KHDRBS3: variants seen among roughly 807,000 people sequenced by gnomAD.
KHDRBS3 encodes the protein KH domain-containing, RNA-binding, signal transduction-associated protein 3.
A neutral mutation model predicts 45.6 loss-of-function variants in KHDRBS3; 23 were observed. The observed-to-expected ratio is 0.50, with a 90% confidence interval of 0.36 to 0.72. The LOEUF is 0.72. Ranked by LOEUF, KHDRBS3 falls within the 30% of genes least tolerant of loss-of-function variation. KHDRBS3 has a pLI of 0.00. For missense variants in KHDRBS3, 352 were observed against 424.8 expected, an observed-to-expected ratio of 0.83 and a Z score of 1.51; for synonymous variants, 162 against 156.5, an observed-to-expected ratio of 1.04 and a Z score of -0.26.
At chr8:135,472,822 A>C (rs112084020) in intron 1 of KHDRBS3, among the ~76,000 whole-genome samples, 20 of 152,224 alleles carry the variant, frequency 1.3e-4, no homozygotes, top group Middle Eastern at 3.4e-3. Flanking sequence ...CATTGCCCTG[A>C]CTTTGAAGTT....
At chr8:135,605,121 G>T (rs1437877140) in intron 6 of KHDRBS3, among the ~76,000 whole-genome samples, 1 of 151,986 alleles carries the variant, frequency 6.6e-6, no homozygotes, top group Non-Finnish European at 1.5e-5. Context: ...GAGTCTCTGA[G>T]TTTATCCTTT....
chr8:135,588,742 G>C (rs1438394746), intron 6 of KHDRBS3, among the ~76,000 whole-genome samples: 2 of 152,166 alleles, frequency 1.3e-5, no homozygotes, highest in African/African-American at 4.8e-5. Flanking sequence ...TGAGCCAGGA[G>C]CTGTGGAAGA....
At chr8:135,603,962 G>A (rs1214091050) in intron 6 of KHDRBS3, among the ~76,000 whole-genome samples, 1 of 150,922 alleles carries the variant, frequency 6.6e-6, no homozygotes, top group African/African-American at 2.4e-5. Context: ...TTTCTTTTTT[G>A]ACCTTCTTTC....
At chr8:135,500,261 T>TC (rs1455308683) in intron 1 of KHDRBS3, among the ~76,000 whole-genome samples, 2 of 148,272 alleles carry the variant, frequency 1.3e-5, no homozygotes, top group East Asian at 1.9e-4. Context: ...GTTTGGTTCT[T>TC]TTTTTTTTTT....
intron 1 of KHDRBS3, among the ~76,000 whole-genome samples, chr8:135,515,447 TGTC>T (rs946782066): frequency 6.7e-6 from 1 of 149,168 alleles, no homozygotes; most frequent in African/African-American, 2.4e-5. Flanking sequence ...GTTTTATTGT[TGTC>T]GTTGTTGATT....
intron 7 of KHDRBS3, among the ~76,000 whole-genome samples, chr8:135,643,488 G>C (rs907728475): frequency 5.3e-5 from 8 of 152,342 alleles, no homozygotes; most frequent in African/African-American, 1.9e-4. Context: ...TTAAGGGCTT[G>C]AGTTGGAAAT....
At chr8:135,613,385 T>C (rs908621861) in intron 7 of KHDRBS3, among the ~76,000 whole-genome samples, 3 of 151,760 alleles carry the variant, frequency 2.0e-5, no homozygotes, top group African/African-American at 4.9e-5. Context: ...CTGTTTCTAC[T>C]TGTGAGAACA....
chr8:135,656,121 T>C (rs1198988425), intron 4 of KHDRBS3: 1 of 152,250 alleles, frequency 6.6e-6, no homozygotes, highest in Non-Finnish European at 1.5e-5. Flanking sequence ...TTCTATTAAG[T>C]GTCCACTTGC....
chr8:135,490,483 A>G (rs1226309547), intron 1 of KHDRBS3, among the ~76,000 whole-genome samples: 1 of 152,102 alleles, frequency 6.6e-6, no homozygotes, highest in African/African-American at 2.4e-5. Flanking sequence ...GCCTGTACAT[A>G]TTGAAGGTTA....
At chr8:135,607,121 C>A in intron 7 of KHDRBS3, 84 bp downstream of exon 7, 1 of 1,054,972 alleles carries the variant, frequency 9.5e-7, no homozygotes, top group Non-Finnish European at 1.4e-6. Flanking sequence ...GTATGGCAGT[C>A]AGCTAGAGAG....
At position 135,498,805 on chromosome 8, in the gene KHDRBS3, TAAGA is replaced by T. The variant is rs372292545; in HGVS notation, c.89-22428_89-22425del. Among the ~76,000 whole-genome samples, 40 of 152,300 alleles carry T rather than the reference TAAGA, an allele frequency of 2.6e-4. No homozygotes were observed. The East Asian group carries it at 6.6e-3, about 25-fold the overall frequency. Reference sequence around the variant, plus strand: ...CTCTGAAATACGGAGGGTGCAGAATTAAGAAAGCCCTTGATCTGGTCCCCATGCG... The same window carrying T: ...CTCTGAAATACGGAGGGTGCAGAATTAAGCCCTTGATCTGGTCCCCATGCG... On this transcript the variant is annotated intron_variant, in intron 1 of 8. Transcript: ENST00000355849.
At chr8:135,523,025 C>G (rs984939840) in intron 2 of KHDRBS3, among the ~76,000 whole-genome samples, 1 of 152,114 alleles carries the variant, frequency 6.6e-6, no homozygotes, top group Non-Finnish European at 1.5e-5. Flanking sequence ...ATTTATGAAT[C>G]CTTATGCCAG....
chr8:135,563,274 CT>C (rs1827251015), intron 5 of KHDRBS3, among the ~76,000 whole-genome samples: 1 of 152,192 alleles, frequency 6.6e-6, no homozygotes, highest in African/African-American at 2.4e-5. Context: ...TACTGGTCTC[CT>C]TTCTGTTGCT....
chr8:135,563,298 G>A (rs1284078786), intron 5 of KHDRBS3, among the ~76,000 whole-genome samples: 11 of 152,254 alleles, frequency 7.2e-5, no homozygotes, highest in South Asian at 2.1e-4. Flanking sequence ...TTAAATAGAC[G>A]AAGCTCATTT....
At chr8:135,571,859 C>T (rs1310262180) in intron 5 of KHDRBS3, among the ~76,000 whole-genome samples, 3 of 152,080 alleles carry the variant, frequency 2.0e-5, no homozygotes, top group African/African-American at 7.2e-5. Flanking sequence ...GTTCTTTCTT[C>T]AATAAAATGG....
chr8:135,592,688 A>G (rs1828802213), intron 6 of KHDRBS3, among the ~76,000 whole-genome samples: 1 of 152,178 alleles, frequency 6.6e-6, no homozygotes, highest in Non-Finnish European at 1.5e-5. Context: ...AAGTTTTTTG[A>G]CATGCATATT....
At chr8:135,592,812 G>A (rs1486695639) in intron 6 of KHDRBS3, among the ~76,000 whole-genome samples, 2 of 152,112 alleles carry the variant, frequency 1.3e-5, no homozygotes, top group East Asian at 3.8e-4. Flanking sequence ...GAAATGACTA[G>A]ATAGTCTCTA....
chr8:135,486,842 A>G (rs1000210799), intron 1 of KHDRBS3, among the ~76,000 whole-genome samples: 2 of 152,236 alleles, frequency 1.3e-5, no homozygotes, highest in African/African-American at 4.8e-5. Flanking sequence ...AAGATCAAAC[A>G]TGAAGCATAC....
chr8:135,599,053 T>C (rs1255020861), intron 6 of KHDRBS3, among the ~76,000 whole-genome samples: 1 of 152,252 alleles, frequency 6.6e-6, no homozygotes, highest in Non-Finnish European at 1.5e-5. Context: ...CTGTTTCCTT[T>C]ATCCTGGAAA....
Sources: gnomAD v4.1 joint callset for allele counts (sites outside exome capture counted in the v4.1 genomes callset) on GRCh38, gnomAD v4.1.1 for gene constraint, MANE v1.5 for transcripts, NCBI Gene and HGNC (gene_info 2026-07-23, HGNC 2026-07-21) for gene names.